Variants in MLXIPL observed in about 807,000 individuals in gnomAD.
The protein encoded by MLXIPL is carbohydrate-responsive element-binding protein.
In MLXIPL, 49 loss-of-function variants were observed where a neutral mutation model predicts 81.5. The observed-to-expected ratio is 0.60, with a 90% CI of 0.48 to 0.76. MLXIPL has a LOEUF of 0.76. MLXIPL is among the 30% of genes least tolerant of loss of function. The pLI is 0.00. For missense variants in MLXIPL, 1,053 were observed against 1,167.0 expected (o/e 0.90, Z 1.42); for synonymous variants, 466 against 485.5 (o/e 0.96, Z 0.53).
the MLXIPL span, among the ~76,000 whole-genome samples, chr7:73,631,942 T>TTTTC: frequency 1.7e-4 from 23 of 138,518 alleles, no homozygotes; most frequent in South Asian, 3.3e-3. Context: ...CCTCCTCTTC[T>TTTTC]TTTCTCTTTT....
chr7:73,616,586 G>A (rs1224942847), intron 1 of MLXIPL, among the ~76,000 whole-genome samples: 1 of 152,084 alleles, frequency 6.6e-6, no homozygotes, highest in Non-Finnish European at 1.5e-5. Context: ...AGTAGCTCAC[G>A]CCTGTCATCC....
chr7:73,609,720 G>A (rs1270298515), intron 2 of MLXIPL: 1 of 151,972 alleles, frequency 6.6e-6, no homozygotes, highest in African/African-American at 2.4e-5. Flanking sequence ...TGCCCAGGCT[G>A]GAGTGCAGTG....
rs781915474 is a variant in MLXIPL at position 73,594,026 on chromosome 7, T to C, written c.2441-43A>G. The stretch of plus-strand genomic sequence containing the variant: ...AGAGAGAGACAGACACTTCCTGGGG[T>C]CAGGGCCCTACCCTTGGATGTGGAA... On this transcript the variant is annotated intron_variant, in intron 16 of 16. Transcript: ENST00000313375. The C allele has an allele frequency of 5.1e-6, 8 of 1,556,904 alleles. No homozygotes were observed. In the Admixed American group the frequency reaches 1.3e-4, roughly 26 times the overall value.
chr7:73,605,559 A>T, intron 7 of MLXIPL, 129 bp downstream of exon 7: 3 of 816,194 alleles, frequency 3.7e-6, no homozygotes, highest in Non-Finnish European at 5.9e-6. Context: ...ATAAATAAAT[A>T]AATAAAAAGA....
chr7:73,646,555 T>C, the MLXIPL span, among the ~76,000 whole-genome samples: 1 of 152,134 alleles, frequency 6.6e-6, no homozygotes, highest in Non-Finnish European at 1.5e-5. Context: ...AGCCCTGGCC[T>C]GGCTCAGCCA....
chr7:73,634,049 A>T, the MLXIPL span, among the ~76,000 whole-genome samples: 2 of 152,184 alleles, frequency 1.3e-5, no homozygotes, highest in Admixed American at 1.3e-4. Context: ...GAGAGAGAGG[A>T]GTCTCGAACT....
At chr7:73,615,245 T>C (rs1554600545) in intron 2 of MLXIPL, among the ~76,000 whole-genome samples, 1 of 152,192 alleles carries the variant, frequency 6.6e-6, no homozygotes, top group East Asian at 1.9e-4. Context: ...CGAGATGGCA[T>C]GGCCTCTCTG....
chr7:73,634,011 A>G, the MLXIPL span, among the ~76,000 whole-genome samples: 1 of 152,194 alleles, frequency 6.6e-6, no homozygotes, highest in Non-Finnish European at 1.5e-5. Flanking sequence ...TCACTGAGTG[A>G]GAAGAGGATG....
chr7:73,607,785 A>G (rs1032708097), intron 2 of MLXIPL, 113 bp from the exon 3 acceptor site: 3 of 846,562 alleles, frequency 3.5e-6, no homozygotes, highest in Non-Finnish European at 5.7e-6. Flanking sequence ...TTTGACGTTC[A>G]GATTAAGTGC....
intron 2 of MLXIPL, 52 bp downstream of exon 2, chr7:73,616,019 G>T (rs1394326179): frequency 6.8e-7 from 1 of 1,480,400 alleles, no homozygotes; most frequent in Non-Finnish European, 9.4e-7. Flanking sequence ...CTGGCAGGAG[G>T]GTTGGAGGGG....
rs563684070 is a variant in MLXIPL, at chr7:73,624,152, C to T, written c.293+48G>A. 15 of 1,468,072 alleles carry T rather than the reference C, an allele frequency of 1.0e-5. No individual in the cohort carries two copies. In the African/African-American group the frequency reaches 1.1e-4, roughly 11 times the overall value. 90.9% of individuals were successfully genotyped at this position (1,468,072 alleles called of 1,614,324 possible). A position where few individuals can be genotyped will look rare whatever the true frequency, so the allele number is the denominator to read the frequency against. On this transcript the variant is annotated intron_variant, in intron 1 of 16. Coordinates refer to ENST00000313375, the MANE Select transcript of MLXIPL (RefSeq NM_032951.3). The stretch of plus-strand genomic sequence containing the variant: ...GCAGTCCTGCCCCGGACCCCCCCCC[C>T]ATCCCCACCTGGAAGCCAAGGCCGT...
At chr7:73,644,619 T>A in the MLXIPL span, among the ~76,000 whole-genome samples, 2 of 152,058 alleles carry the variant, frequency 1.3e-5, no homozygotes, top group Admixed American at 6.6e-5. Flanking sequence ...TAAATGTGGG[T>A]TTTCTTCTTC....
chr7:73,631,128 C>G, the MLXIPL span, among the ~76,000 whole-genome samples: 1 of 151,972 alleles, frequency 6.6e-6, no homozygotes, highest in Non-Finnish European at 1.5e-5. Flanking sequence ...CCTGACTCAG[C>G]CTCCCGAGTA....
rs782276575 is a variant in MLXIPL at position 73,597,189 on chromosome 7, G to A, written c.1596C>T (p.Leu532=). Residue 532 remains leucine (L), a synonymous_variant, in exon 9 of 17, where the codon CTC becomes CTT. Coordinates refer to ENST00000313375, the MANE Select transcript of MLXIPL (RefSeq NM_032951.3). Reference sequence around the variant, plus strand: ...CCCGTTGCTGGCCCTCACCTGCTGTGAGCAGCTGTGTGAGGCAGGGGTTGT... The same window carrying A: ...CCCGTTGCTGGCCCTCACCTGCTGTAAGCAGCTGTGTGAGGCAGGGGTTGT... The part of the protein sequence containing the change: ...GSNNPCLTQL[L]TAAKPEQALE... The A allele has an allele frequency of 3.7e-6, 6 of 1,603,752 alleles. No individual in the cohort carries two copies. The highest frequency in any genetic ancestry group is 3.4e-6 in the Non-Finnish European group (4 of 1,177,630).
At chr7:73,606,223 C>T in intron 5 of MLXIPL, 112 bp from the exon 6 acceptor site, 1 of 1,084,370 alleles carries the variant, frequency 9.2e-7, no homozygotes. Context: ...TGTCTGTTCA[C>T]ACCTCTGTCA....
At position 73,593,535 on chromosome 7, in the gene MLXIPL, A is replaced by G. The variant is rs569416882; in HGVS notation, c.*330T>C. 2.0e-5 allele frequency: 7 copies of G among 345,968 alleles called. No homozygotes were observed. The highest frequency in any genetic ancestry group is 5.0e-5 in the South Asian group (2 of 39,650). 21.4% of individuals were successfully genotyped at this position (345,968 alleles called of 1,614,324 possible). On this transcript the variant is annotated 3_prime_UTR_variant, in exon 17 of 17. Transcript: ENST00000313375. Reference sequence around the variant, plus strand: ...CCGGAGTTGCCAGCCTAGGCCCCCAATGTCACAGCTGCCAAGGCCTGGGGG... The same window carrying G: ...CCGGAGTTGCCAGCCTAGGCCCCCAGTGTCACAGCTGCCAAGGCCTGGGGG...
the MLXIPL span, among the ~76,000 whole-genome samples, chr7:73,646,624 T>C: frequency 1.8e-3 from 275 of 152,244 alleles, 12 homozygotes; most frequent in East Asian, 0.047. Context: ...CTTCTCAAGA[T>C]GGGGAAACTC....
intron 4 of MLXIPL, 110 bp from the exon 5 acceptor site, chr7:73,607,128 G>A: frequency 7.0e-7 from 1 of 1,433,174 alleles, no homozygotes; most frequent in African/African-American, 1.4e-5. Context: ...TTCCCATCAG[G>A]AGCTCACCCG....
Position 73,613,553 on chromosome 7 carries a change from G to A in MLXIPL, c.400+2518C>T, listed in dbSNP as rs139002804. 4.8e-4 allele frequency among the ~76,000 whole-genome samples: 73 copies of A among 152,276 alleles called. 2 individuals are homozygous for A. In the East Asian group the frequency reaches 0.013, roughly 28 times the overall value. On this transcript the variant is annotated intron_variant, in intron 2 of 16. Coordinates refer to ENST00000313375, the MANE Select transcript of MLXIPL (RefSeq NM_032951.3). ...GTGAAGGTTGCAGTGAGCCGAGATC[G>A]TGCCATTGCACTTCAGCATGGGTGA... is the stretch of plus-strand genomic sequence containing the variant.
Sources: allele counts gnomAD v4.1 joint callset (sites outside exome capture counted in the v4.1 genomes callset), GRCh38; gene constraint gnomAD v4.1.1; transcripts MANE v1.5; gene names NCBI Gene and HGNC (gene_info 2026-07-23, HGNC 2026-07-21).